PCDHA10: variants seen among roughly 807,000 people sequenced by gnomAD.
PCDHA10 encodes the protein protocadherin alpha 10.
In PCDHA10, 45 loss-of-function variants were observed where a neutral mutation model predicts 61.2. The observed-to-expected ratio is 0.74, with a 90% confidence interval of 0.58 to 0.94. The LOEUF (loss-of-function observed/expected upper bound fraction) is 0.94. PCDHA10 is among the 40% of genes least tolerant of loss of function. The pLI is 0.00. For missense variants in PCDHA10, 1,278 were observed against 1,236.2 expected (o/e 1.03, Z -0.51); for synonymous variants, 602 against 548.8 (o/e 1.10, Z -1.35).
chr5:140,941,251 C>CT (rs1177440606), intron 1 of PCDHA10, among the ~76,000 whole-genome samples: 1 of 121,786 alleles, frequency 8.2e-6, no homozygotes, highest in Non-Finnish European at 1.8e-5. Context: ...TTCTTTCTTT[C>CT]TTTCTCTTTC....
At chr5:140,918,548 A>G (rs1360159345) in intron 1 of PCDHA10, among the ~76,000 whole-genome samples, 3 of 152,192 alleles carry the variant, frequency 2.0e-5, no homozygotes, top group Non-Finnish European at 4.4e-5. Context: ...TCCATGTGCA[A>G]TTGAGAAGAA....
chr5:140,866,893 A>G (rs961620387), intron 1 of PCDHA10: 1 of 152,138 alleles, frequency 6.6e-6, no homozygotes, highest in Admixed American at 6.5e-5. Context: ...ATACCCAGAT[A>G]TTAGGCTGAT....
Position 140,998,756 on chromosome 5 carries a change from G to A in PCDHA10, c.2537-10871G>A, listed in dbSNP as rs78235138. Among the ~76,000 whole-genome samples, 197 of 152,232 alleles carry A rather than the reference G, an allele frequency of 1.3e-3. 4 individuals carry two copies. In the East Asian group the frequency reaches 0.035, roughly 27 times the overall value. On this transcript the variant is annotated intron_variant, in intron 3 of 3. Coordinates refer to ENST00000307360, the MANE Select transcript of PCDHA10 (RefSeq NM_018901.4). Reference sequence around the variant, plus strand: ...ATTTTGTATTTTTAGAAGAGACACAGTTTCACTATGTTGGTCAGGCTGGTC... The same window carrying A: ...ATTTTGTATTTTTAGAAGAGACACAATTTCACTATGTTGGTCAGGCTGGTC...
intron 1 of PCDHA10, chr5:140,866,269 TAAAG>T (rs2049248752): frequency 2.6e-5 from 4 of 152,174 alleles, no homozygotes; most frequent in Admixed American, 2.6e-4. Context: ...TTACTGTGAA[TAAAG>T]ACAGTGTTTG....
intron 1 of PCDHA10, chr5:140,883,404 C>A: frequency 6.2e-7 from 1 of 1,614,222 alleles, no homozygotes; most frequent in Non-Finnish European, 8.5e-7. Context: ...GATCGTGACT[C>A]TGGCTCAAAT....
At chr5:140,917,336 G>T (rs1183036523) in intron 1 of PCDHA10, among the ~76,000 whole-genome samples, 1 of 144,856 alleles carries the variant, frequency 6.9e-6, no homozygotes, top group Non-Finnish European at 1.5e-5. Context: ...GGGGAGGGGG[G>T]GGATGGTGTA....
intron 1 of PCDHA10, among the ~76,000 whole-genome samples, chr5:140,898,520 G>A (rs1583310662): frequency 6.6e-6 from 1 of 152,298 alleles, no homozygotes; most frequent in East Asian, 1.9e-4. Context: ...CGTTATTTCT[G>A]AGGGCTCTGT....
intron 1 of PCDHA10, chr5:140,969,240 C>T: frequency 6.2e-7 from 1 of 1,614,198 alleles, no homozygotes; most frequent in South Asian, 1.1e-5. Context: ...GCCCAAGCAG[C>T]AGTGACTGAC....
intron 3 of PCDHA10, among the ~76,000 whole-genome samples, chr5:141,000,496 C>T (rs1257530549): frequency 7.4e-6 from 1 of 134,362 alleles, no homozygotes; most frequent in Non-Finnish European, 1.5e-5. Context: ...GGTAAGATCT[C>T]GGCTCACTGC....
At position 140,876,322 on chromosome 5, in the gene PCDHA10, A is replaced by C. The variant is rs146464308; in HGVS notation, c.2388+17886A>C. On this transcript the variant is annotated intron_variant, in intron 1 of 3. Transcript: ENST00000307360. ...AGAAATTTCCTATGGGATCAAAATG[A>C]TTTTGCCAGTGAGTGAGAAATGTAT... 2.9e-4 allele frequency: 465 copies of C among 1,614,034 alleles called. 1 individual carries two copies. In the African/African-American group the frequency reaches 5.7e-3, roughly 20 times the overall value.
chr5:140,891,426 C>A lies in PCDHA10; in HGVS notation c.2388+32990C>A, dbSNP rs76102230. On this transcript the variant is annotated intron_variant, in intron 1 of 3. Transcript: ENST00000307360. ...CCACCCCCCACTCTTGCCCCCAAGTCCCCAACGTCCATTGTATAGGATTTT... is the reference window on the plus strand; with the variant it reads ...CCACCCCCCACTCTTGCCCCCAAGTACCCAACGTCCATTGTATAGGATTTT... Among the ~76,000 whole-genome samples, 774 of 148,652 alleles carry A rather than the reference C, an allele frequency of 5.2e-3. 4 individuals are homozygous for A. Among genetic ancestry groups the A allele is most frequent in the African/African-American group, 0.018 (747 of 40,514 alleles).
intron 1 of PCDHA10, chr5:140,870,192 G>C: frequency 1.9e-6 from 3 of 1,614,158 alleles, no homozygotes; most frequent in Non-Finnish European, 2.5e-6. Context: ...AGGACGCTCA[G>C]CCCAGCACGG....
chr5:140,913,824 TC>T, intron 1 of PCDHA10, among the ~76,000 whole-genome samples: 1 of 152,216 alleles, frequency 6.6e-6, no homozygotes, highest in Middle Eastern at 3.2e-3. Context: ...CTTTTAAATT[TC>T]TTTATTGACC....
At chr5:140,869,149 C>A in intron 1 of PCDHA10, 3 of 1,613,754 alleles carry the variant, frequency 1.9e-6, no homozygotes, top group Non-Finnish European at 2.5e-6. Flanking sequence ...ACGACTACAG[C>A]TCTGGCTTCT....
chr5:140,922,700 A>G (rs1447566146), intron 1 of PCDHA10, among the ~76,000 whole-genome samples: 1 of 152,256 alleles, frequency 6.6e-6, no homozygotes, highest in Non-Finnish European at 1.5e-5. Context: ...GCTTCCATAC[A>G]GTCAAGAACA....
intron 1 of PCDHA10, among the ~76,000 whole-genome samples, chr5:140,965,210 T>C (rs1554227481): frequency 6.6e-6 from 1 of 152,214 alleles, no homozygotes; most frequent in Non-Finnish European, 1.5e-5. Context: ...TTCAAATTCC[T>C]GTGGAAGAAA....
At chr5:140,927,118 G>A in intron 1 of PCDHA10, 2 of 1,613,946 alleles carry the variant, frequency 1.2e-6, no homozygotes, top group Non-Finnish European at 1.7e-6. Context: ...CGGCAATTTG[G>A]TGGTCAGAGA....
chr5:140,946,766 G>A (rs1554217856), intron 1 of PCDHA10, among the ~76,000 whole-genome samples: 1 of 151,394 alleles, frequency 6.6e-6, no homozygotes, highest in South Asian at 2.1e-4. Flanking sequence ...TCTCATTCAT[G>A]TGGAATGTAA....
intron 1 of PCDHA10, chr5:140,868,005 T>C (rs1405523098): frequency 6.6e-6 from 1 of 152,108 alleles, no homozygotes; most frequent in East Asian, 1.9e-4. Flanking sequence ...TATAACTGAA[T>C]TAGATTAAGG....
Sources: allele counts gnomAD v4.1 joint callset (sites outside exome capture counted in the v4.1 genomes callset), GRCh38; gene constraint gnomAD v4.1.1; transcripts MANE v1.5; gene names NCBI Gene and HGNC (gene_info 2026-07-23, HGNC 2026-07-21).